CHCHD6: variants seen among roughly 807,000 people sequenced by gnomAD.
CHCHD6 encodes the protein MICOS complex subunit MIC25.
In CHCHD6, 28 loss-of-function variants were observed where a neutral mutation model predicts 32.3. That is an observed-to-expected ratio of 0.87 (90% CI 0.64 to 1.19). The LOEUF (loss-of-function observed/expected upper bound fraction) is 1.19, where lower values mean the gene tolerates loss of function less well. Ranked by LOEUF, CHCHD6 falls within the 50% of genes most tolerant of loss-of-function variation. The pLI, the probability that CHCHD6 is intolerant of heterozygous loss-of-function variation, is 0.00. For missense variants in CHCHD6, 333 were observed against 307.0 expected (o/e 1.08, Z -0.63); for synonymous variants, 122 against 117.5 (o/e 1.04, Z -0.25).
chr3:126,887,140 G>A (rs1165216099), intron 5 of CHCHD6, among the ~76,000 whole-genome samples: 1 of 152,162 alleles, frequency 6.6e-6, no homozygotes, highest in Non-Finnish European at 1.5e-5. Flanking sequence ...AATCAGCATA[G>A]CAGAATGGAA....
intron 1 of CHCHD6, among the ~76,000 whole-genome samples, chr3:126,715,740 C>G (rs867878956): frequency 2.8e-4 from 42 of 151,984 alleles, no homozygotes; most frequent in African/African-American, 9.9e-4. Context: ...TCCCTCATCC[C>G]TGTTACTTTA....
At chr3:126,798,495 T>C (rs944317352) in intron 4 of CHCHD6, among the ~76,000 whole-genome samples, 2 of 152,236 alleles carry the variant, frequency 1.3e-5, no homozygotes, top group Non-Finnish European at 2.9e-5. Flanking sequence ...TTTCAGTGGA[T>C]ACGGTTTTCT....
intron 4 of CHCHD6, among the ~76,000 whole-genome samples, chr3:126,829,862 C>A (rs966209937): frequency 3.3e-5 from 5 of 152,060 alleles, no homozygotes; most frequent in African/African-American, 9.7e-5. Context: ...CTTTGGGAGG[C>A]CAAGGCAGGT....
chr3:126,715,046 G>C (rs1028464232), intron 1 of CHCHD6, among the ~76,000 whole-genome samples: 6 of 152,132 alleles, frequency 3.9e-5, no homozygotes, highest in Non-Finnish European at 8.8e-5. Context: ...TTTTAAAGTA[G>C]GTTGTCTGTT....
chr3:126,942,101 A>G (rs1439367686), intron 6 of CHCHD6, among the ~76,000 whole-genome samples: 3 of 151,908 alleles, frequency 2.0e-5, no homozygotes, highest in Admixed American at 6.5e-5. Context: ...GTGTTTCCTC[A>G]TGACCAGACT....
At chr3:126,916,839 G>A (rs2078178772) in intron 6 of CHCHD6, among the ~76,000 whole-genome samples, 1 of 152,252 alleles carries the variant, frequency 6.6e-6, no homozygotes, top group African/African-American at 2.4e-5. Context: ...GGTGGGCCAG[G>A]CCACAGCTCC....
At chr3:126,757,271 A>G (rs965074200) in intron 4 of CHCHD6, among the ~76,000 whole-genome samples, 4 of 152,324 alleles carry the variant, frequency 2.6e-5, no homozygotes, top group Admixed American at 2.6e-4. Flanking sequence ...CAAAAAATTC[A>G]AAGTCTGAAA....
At chr3:126,785,971 T>G (rs1309868824) in intron 4 of CHCHD6, among the ~76,000 whole-genome samples, 1 of 152,180 alleles carries the variant, frequency 6.6e-6, no homozygotes, top group Admixed American at 6.5e-5. Flanking sequence ...ATGCTATCCC[T>G]TCCCTCTTCC....
At chr3:126,746,384 T>C (rs1416533498) in intron 4 of CHCHD6, among the ~76,000 whole-genome samples, 4 of 152,288 alleles carry the variant, frequency 2.6e-5, no homozygotes, top group Admixed American at 2.6e-4. Flanking sequence ...CCCTAACACA[T>C]ACAGCCTCTG....
intron 5 of CHCHD6, among the ~76,000 whole-genome samples, chr3:126,871,149 C>T (rs2077464870): frequency 6.6e-6 from 1 of 152,186 alleles, no homozygotes; most frequent in Non-Finnish European, 1.5e-5. Context: ...GATTGTTCTC[C>T]TTGATAGAAA....
chr3:126,792,888 T>C (rs1199619316), intron 4 of CHCHD6, among the ~76,000 whole-genome samples: 1 of 152,210 alleles, frequency 6.6e-6, no homozygotes, highest in Non-Finnish European at 1.5e-5. Context: ...CCTGCAGTTG[T>C]ATTACATTTG....
At chr3:126,789,520 G>T (rs56274617) in intron 4 of CHCHD6, among the ~76,000 whole-genome samples, 2,268 of 152,198 alleles carry the variant, frequency 0.015, 32 homozygotes, top group Non-Finnish European at 0.024. Context: ...ATTGGGTGCA[G>T]ATATATTTAG....
intron 5 of CHCHD6, among the ~76,000 whole-genome samples, chr3:126,902,905 G>T (rs1369747461): frequency 6.6e-6 from 1 of 152,074 alleles, no homozygotes; most frequent in Non-Finnish European, 1.5e-5. Context: ...GGTGCTGCTG[G>T]CGTGGAAGCC....
intron 5 of CHCHD6, among the ~76,000 whole-genome samples, chr3:126,863,971 A>ACCT (rs768892961): frequency 7.9e-6 from 1 of 127,214 alleles, no homozygotes; most frequent in East Asian, 2.4e-4. Flanking sequence ...CACCATCACC[A>ACCT]CCTCCTCCTC....
intron 4 of CHCHD6, among the ~76,000 whole-genome samples, chr3:126,753,455 G>A (rs777732542): frequency 2.0e-5 from 3 of 152,158 alleles, no homozygotes; most frequent in Non-Finnish European, 4.4e-5. Context: ...GCTGCAGCCC[G>A]CCTGCATGCC....
chr3:126,815,174 G>A (rs1939826405), intron 4 of CHCHD6, among the ~76,000 whole-genome samples: 1 of 152,166 alleles, frequency 6.6e-6, no homozygotes, highest in African/African-American at 2.4e-5. Flanking sequence ...AGAAAACACA[G>A]AAACAAGTTA....
chr3:126,718,993 C>A (rs1352364257), intron 1 of CHCHD6, among the ~76,000 whole-genome samples: 1 of 152,200 alleles, frequency 6.6e-6, no homozygotes, highest in South Asian at 2.1e-4. Flanking sequence ...CAAACCAAGT[C>A]GTGTGGTTCC....
chr3:126,958,858 G>A (rs1007740768), intron 7 of CHCHD6, among the ~76,000 whole-genome samples: 2 of 152,170 alleles, frequency 1.3e-5, no homozygotes, highest in African/African-American at 2.4e-5. Context: ...CCTTCGCACC[G>A]ACCAGACACT....
At chr3:126,892,597 G>A (rs951336166) in intron 5 of CHCHD6, among the ~76,000 whole-genome samples, 9 of 152,140 alleles carry the variant, frequency 5.9e-5, no homozygotes, top group Non-Finnish European at 8.8e-5. Flanking sequence ...CCTAGCCCAC[G>A]TCCAGCTTTC....
Sources: allele counts gnomAD v4.1 joint callset (sites outside exome capture counted in the v4.1 genomes callset), GRCh38; gene constraint gnomAD v4.1.1; transcripts MANE v1.5; gene names NCBI Gene and HGNC (gene_info 2026-07-23, HGNC 2026-07-21).